Variants in CWC27 observed in about 807,000 individuals in gnomAD.
CWC27 encodes the protein CWC27 spliceosome associated cyclophilin.
A neutral mutation model predicts 63.6 loss-of-function variants in CWC27; 47 were observed. The ratio of observed to expected loss-of-function variants is 0.74; its 90% CI spans 0.58 to 0.94. The LOEUF is 0.94. Ranked by LOEUF, CWC27 falls within the 40% of genes least tolerant of loss-of-function variation. The pLI, the probability that CWC27 is intolerant of heterozygous loss-of-function variation, is 0.00. For synonymous variants in CWC27, 175 were observed against 179.8 expected, an observed-to-expected ratio of 0.97 and a Z score of 0.22; for missense variants, 495 against 554.3, an observed-to-expected ratio of 0.89 and a Z score of 1.07.
chr5:64,984,757 T>C (rs1348090850), intron 13 of CWC27, among the ~76,000 whole-genome samples: 4 of 152,010 alleles, frequency 2.6e-5, no homozygotes, highest in Non-Finnish European at 5.9e-5. Flanking sequence ...TTTTCTCCAA[T>C]AATATTTTTC....
chr5:64,991,127 A>G (rs951675466), intron 13 of CWC27, among the ~76,000 whole-genome samples: 1 of 152,224 alleles, frequency 6.6e-6, no homozygotes. Flanking sequence ...AACTGCTTTC[A>G]CAGTCATTGG....
intron 10 of CWC27, among the ~76,000 whole-genome samples, chr5:64,855,573 T>C (rs1203524688): frequency 6.6e-6 from 1 of 152,158 alleles, no homozygotes. Flanking sequence ...AAGTAGAACG[T>C]CTTTTAAACT....
At chr5:64,991,704 C>T (rs1486218864) in intron 13 of CWC27, among the ~76,000 whole-genome samples, 1 of 152,168 alleles carries the variant, frequency 6.6e-6, no homozygotes, top group Admixed American at 6.5e-5. Flanking sequence ...CTAGGCTGGG[C>T]AACAGAGACC....
chr5:64,834,178 T>G (rs1457573380), intron 10 of CWC27, among the ~76,000 whole-genome samples: 1 of 151,334 alleles, frequency 6.6e-6, no homozygotes, highest in Non-Finnish European at 1.5e-5. Context: ...AAAAAAACTT[T>G]CAGGCTTTAT....
At chr5:64,833,756 A>G (rs1437228025) in intron 10 of CWC27, among the ~76,000 whole-genome samples, 4 of 151,748 alleles carry the variant, frequency 2.6e-5, no homozygotes, top group African/African-American at 9.7e-5. Context: ...CACACAATGT[A>G]GGAGAATGTT....
intron 11 of CWC27, among the ~76,000 whole-genome samples, chr5:64,912,073 CAAAAA>C (rs1253684440): frequency 0.02 from 1,697 of 83,484 alleles, 35 homozygotes; most frequent in Middle Eastern, 0.061. Flanking sequence ...GACTCTGTCT[CAAAAA>C]AAAAAAAAAA....
At chr5:64,966,701 C>A (rs1050620367) in intron 11 of CWC27, among the ~76,000 whole-genome samples, 1 of 152,056 alleles carries the variant, frequency 6.6e-6, no homozygotes, top group African/African-American at 2.4e-5. Context: ...TTCTTTTTTA[C>A]CTACTAGAGG....
chr5:64,899,113 G>T lies in CWC27; in HGVS notation c.1042+13567G>T, dbSNP rs1161721413. Among the ~76,000 whole-genome samples the T allele has an allele frequency of 2.0e-5, 3 of 152,098 alleles. No individual in the cohort carries two copies. In the South Asian group the frequency reaches 6.2e-4, roughly 32 times the overall value. ...TATGGGGTTGATTCCTTTACTAAAAGGTAAAAGGGATGACTGAATTCAGGG... is the reference window on the plus strand; with the variant it reads ...TATGGGGTTGATTCCTTTACTAAAATGTAAAAGGGATGACTGAATTCAGGG... On this transcript the variant is annotated intron_variant, in intron 11 of 13. Coordinates refer to ENST00000381070, the MANE Select transcript of CWC27 (RefSeq NM_005869.4).
intron 7 of CWC27, among the ~76,000 whole-genome samples, chr5:64,789,953 C>A (rs1253368537): frequency 6.6e-6 from 1 of 152,028 alleles, no homozygotes; most frequent in South Asian, 2.1e-4. Flanking sequence ...TATTATTATT[C>A]TTGTTTTTAC....
intron 11 of CWC27, among the ~76,000 whole-genome samples, chr5:64,913,900 A>T (rs1412522948): frequency 6.6e-6 from 1 of 152,118 alleles, no homozygotes; most frequent in African/African-American, 2.4e-5. Flanking sequence ...AGGAAAAAAC[A>T]AAAGTCAAAA....
At chr5:64,941,471 A>G (rs1210208015) in intron 11 of CWC27, among the ~76,000 whole-genome samples, 3 of 152,124 alleles carry the variant, frequency 2.0e-5, no homozygotes, top group East Asian at 1.9e-4. Flanking sequence ...ATTTATCTAC[A>G]TATTTATTAC....
At chr5:64,884,410 C>T (rs1452908718) in intron 10 of CWC27, 2 of 152,028 alleles carry the variant, frequency 1.3e-5, no homozygotes, top group Admixed American at 6.6e-5. Context: ...TTACACACAT[C>T]GTAAGACCCA....
intron 10 of CWC27, among the ~76,000 whole-genome samples, chr5:64,866,796 C>G (rs1476845694): frequency 6.6e-6 from 1 of 151,936 alleles, no homozygotes; most frequent in Non-Finnish European, 1.5e-5. Context: ...TATATTGAGG[C>G]CCATTTTATG....
At position 64,943,691 on chromosome 5, in the gene CWC27, C is replaced by T. The variant is rs143292246; in HGVS notation, c.1043-28012C>T. The stretch of plus-strand genomic sequence containing the variant: ...TCTACCTATATTGCAAAGTTCCTAG[C>T]ACATCGTAGATTTCTTCTCATGGTC... On this transcript the variant is annotated intron_variant, in intron 11 of 13. Coordinates refer to ENST00000381070, the MANE Select transcript of CWC27 (RefSeq NM_005869.4). 7.2e-5 allele frequency among the ~76,000 whole-genome samples: 11 copies of T among 152,286 alleles called. No individual in the cohort carries two copies. In the East Asian group the frequency reaches 2.1e-3, roughly 29 times the overall value.
At chr5:64,842,511 C>G (rs1295136108) in intron 10 of CWC27, among the ~76,000 whole-genome samples, 2 of 152,030 alleles carry the variant, frequency 1.3e-5, no homozygotes, top group Non-Finnish European at 2.9e-5. Flanking sequence ...ACCATGTTAG[C>G]CAGGATGGTC....
intron 11 of CWC27, among the ~76,000 whole-genome samples, chr5:64,959,500 G>A (rs999530043): frequency 6.6e-6 from 1 of 152,196 alleles, no homozygotes; most frequent in African/African-American, 2.4e-5. Flanking sequence ...CCTCAGGAGA[G>A]ATGGTAAAAC....
rs143701470 is a variant in CWC27, at chr5:64,833,805, T to G, written c.938+29419T>G. 5.9e-3 allele frequency among the ~76,000 whole-genome samples: 902 copies of G among 151,776 alleles called. 5 individuals are homozygous for G. The highest frequency in any genetic ancestry group is 9.2e-3 in the Non-Finnish European group (620 of 67,692). ...TAATCAAAATTATTCTTTCCTTAAGTTAGACCCATCATTTATTCAGAACAT... is the reference window on the plus strand; with the variant it reads ...TAATCAAAATTATTCTTTCCTTAAGGTAGACCCATCATTTATTCAGAACAT... On this transcript the variant is annotated intron_variant, in intron 10 of 13. Transcript: ENST00000381070.
chr5:64,866,993 A>G (rs1580687973), intron 10 of CWC27, among the ~76,000 whole-genome samples: 1 of 152,232 alleles, frequency 6.6e-6, no homozygotes, highest in East Asian at 1.9e-4. Flanking sequence ...GTGAATATGT[A>G]TAAACATTTC....
chr5:64,951,513 A>T (rs1408779581), intron 11 of CWC27, among the ~76,000 whole-genome samples: 2 of 151,898 alleles, frequency 1.3e-5, no homozygotes, highest in Non-Finnish European at 2.9e-5. Flanking sequence ...TGTGCCATTC[A>T]TGTGCCTATT....
Sources: allele counts gnomAD v4.1 joint callset (sites outside exome capture counted in the v4.1 genomes callset), GRCh38; gene constraint gnomAD v4.1.1; transcripts MANE v1.5; gene names NCBI Gene and HGNC (gene_info 2026-07-23, HGNC 2026-07-21).